Variants in KCNQ3 observed in about 807,000 individuals in gnomAD.
The protein encoded by KCNQ3 is potassium voltage-gated channel subfamily Q member 3.
Under a neutral mutation model 92.5 loss-of-function variants are expected in KCNQ3, and 30 were observed. That is an observed-to-expected ratio of 0.32 (90% CI 0.24 to 0.44). The LOEUF is 0.44. Among genes scored for constraint, KCNQ3 ranks in the 20% least tolerant of loss-of-function variants. The pLI is 1.00. For synonymous variants in KCNQ3, 450 were observed against 468.8 expected (o/e 0.96, Z 0.52); for missense variants, 913 against 1,140.3 (o/e 0.80, Z 2.87).
intron 1 of KCNQ3, among the ~76,000 whole-genome samples, chr8:132,423,424 C>G (rs1204097446): frequency 6.6e-6 from 1 of 152,144 alleles, no homozygotes; most frequent in Non-Finnish European, 1.5e-5. Context: ...TCCTGAACAT[C>G]CATCATCTGA....
At chr8:132,318,209 T>C (rs544371721) in intron 1 of KCNQ3, among the ~76,000 whole-genome samples, 1 of 152,368 alleles carries the variant, frequency 6.6e-6, no homozygotes, top group South Asian at 2.1e-4. Context: ...AAGTCTCTTT[T>C]CCTTATGCTA....
intron 1 of KCNQ3, among the ~76,000 whole-genome samples, chr8:132,353,870 G>A (rs1304592518): frequency 6.6e-6 from 1 of 152,192 alleles, no homozygotes; most frequent in African/African-American, 2.4e-5. Context: ...GTAGCAACAA[G>A]ATGAGGTCAT....
chr8:132,223,186 A>AGGAT (rs201656106), intron 1 of KCNQ3, among the ~76,000 whole-genome samples: 1 of 148,604 alleles, frequency 6.7e-6, no homozygotes, highest in African/African-American at 2.4e-5. Context: ...GATGGAAGAA[A>AGGAT]GGAAGAAAGG....
At chr8:132,132,087 T>TAAA in intron 14 of KCNQ3, 93 bp downstream of exon 14, 2 of 778,398 alleles carry the variant, frequency 2.6e-6, no homozygotes, top group Non-Finnish European at 2.1e-6. Flanking sequence ...ACCTTCGTCT[T>TAAA]AAAAAAAAAA....
intron 1 of KCNQ3, among the ~76,000 whole-genome samples, chr8:132,281,614 C>T (rs1355148429): frequency 6.6e-6 from 1 of 151,928 alleles, no homozygotes; most frequent in Non-Finnish European, 1.5e-5. Flanking sequence ...CATCTCCATC[C>T]TAGTACAGGT....
intron 1 of KCNQ3, among the ~76,000 whole-genome samples, chr8:132,228,075 C>T (rs1814491278): frequency 6.6e-6 from 1 of 152,088 alleles, no homozygotes; most frequent in African/African-American, 2.4e-5. Flanking sequence ...GTCCTTTGCT[C>T]ATGCAAAATG....
intron 1 of KCNQ3, among the ~76,000 whole-genome samples, chr8:132,354,903 T>C (rs1818976040): frequency 6.6e-6 from 1 of 152,106 alleles, no homozygotes; most frequent in Non-Finnish European, 1.5e-5. Flanking sequence ...GTTCTGGGGA[T>C]GGGTTTGAGG....
intron 8 of KCNQ3, among the ~76,000 whole-genome samples, chr8:132,166,487 G>C (rs906770617): frequency 2.6e-5 from 4 of 152,054 alleles, no homozygotes; most frequent in Non-Finnish European, 5.9e-5. Flanking sequence ...AGTCCATTCA[G>C]TCTCCACTGG....
At chr8:132,423,279 C>T (rs532107410) in intron 1 of KCNQ3, among the ~76,000 whole-genome samples, 18 of 152,292 alleles carry the variant, frequency 1.2e-4, no homozygotes, top group African/African-American at 4.3e-4. Flanking sequence ...TAAAGTTGCC[C>T]ACCAAACAGG....
At chr8:132,210,844 C>T (rs1329989752) in intron 1 of KCNQ3, among the ~76,000 whole-genome samples, 1 of 152,222 alleles carries the variant, frequency 6.6e-6, no homozygotes, top group Non-Finnish European at 1.5e-5. Context: ...CTGTCCACCA[C>T]AGTATTCTCA....
intron 5 of KCNQ3, 78 bp from the exon 6 acceptor site, chr8:132,174,427 A>T: frequency 9.2e-7 from 1 of 1,088,638 alleles, no homozygotes; most frequent in Non-Finnish European, 1.4e-6. Context: ...CTCTACCTGT[A>T]AGCCTCTCCA....
rs552904760 is a variant in KCNQ3, at chr8:132,435,216, T to C, written c.386+44931A>G. 7.9e-4 allele frequency among the ~76,000 whole-genome samples: 120 copies of C among 152,316 alleles called. 4 individuals carry two copies. In the South Asian group the frequency reaches 0.024, roughly 30 times the overall value. ...CCCACTGATCATTATTCTCTTTGTT[T>C]TATTTTATTTGATTATTTATCAGTG... is the stretch of plus-strand genomic sequence containing the variant. On this transcript the variant is annotated intron_variant, in intron 1 of 14. Transcript: ENST00000388996.
intron 1 of KCNQ3, among the ~76,000 whole-genome samples, chr8:132,214,763 G>A (rs1288530427): frequency 2.6e-5 from 4 of 152,332 alleles, no homozygotes; most frequent in South Asian, 2.1e-4. Flanking sequence ...GTAATCAACC[G>A]CATGCCACAG....
chr8:132,257,810 A>C (rs1815643865), intron 1 of KCNQ3, among the ~76,000 whole-genome samples: 1 of 151,908 alleles, frequency 6.6e-6, no homozygotes, highest in African/African-American at 2.4e-5. Flanking sequence ...AAAAGATTAA[A>C]TATAAACTAT....
chr8:132,339,616 T>C (rs899808444), intron 1 of KCNQ3, among the ~76,000 whole-genome samples: 1 of 152,040 alleles, frequency 6.6e-6, no homozygotes, highest in African/African-American at 2.4e-5. Flanking sequence ...AGCTGAGGCA[T>C]GAGTATTGCT....
intron 1 of KCNQ3, among the ~76,000 whole-genome samples, chr8:132,402,955 T>C (rs189981753): frequency 8.9e-4 from 120 of 134,270 alleles, no homozygotes; most frequent in Non-Finnish European, 1.1e-3. Context: ...GAGGCAGAGA[T>C]TGCAGTGAGC....
intron 1 of KCNQ3, among the ~76,000 whole-genome samples, chr8:132,202,080 T>G (rs1827479830): frequency 6.6e-6 from 1 of 152,152 alleles, no homozygotes; most frequent in Admixed American, 6.5e-5. Flanking sequence ...GAGCCACAAC[T>G]TGTTGACCCA....
chr8:132,464,441 C>A (rs1822127579), intron 1 of KCNQ3, among the ~76,000 whole-genome samples: 1 of 152,184 alleles, frequency 6.6e-6, no homozygotes, highest in South Asian at 2.1e-4. Context: ...GTATCAGGCT[C>A]TGGAATGCAG....
intron 1 of KCNQ3, among the ~76,000 whole-genome samples, chr8:132,317,087 G>C (rs1053216602): frequency 6.6e-6 from 1 of 152,142 alleles, no homozygotes; most frequent in Non-Finnish European, 1.5e-5. Context: ...AAATTATTTA[G>C]TGGTATCTTT....
Sources: allele counts gnomAD v4.1 joint callset (sites outside exome capture counted in the v4.1 genomes callset), GRCh38; gene constraint gnomAD v4.1.1; transcripts MANE v1.5; gene names NCBI Gene and HGNC (gene_info 2026-07-23, HGNC 2026-07-21).